The following NAXD variants were observed in gnomAD, a reference collection of about 807,000 sequenced individuals.
NAXD encodes the protein NAD(P)HX dehydratase, also known as ATP-dependent (S)-NAD(P)H-hydrate dehydratase.
NAXD carries 22 observed loss-of-function variants against 35.8 expected under a neutral mutation model. The observed-to-expected ratio is 0.62, with a 90% CI of 0.44 to 0.88. The LOEUF is 0.88. Ranked by LOEUF, NAXD falls within the 40% of genes least tolerant of loss-of-function variation. The pLI, the probability that NAXD is intolerant of heterozygous loss-of-function variation, is 0.00. For synonymous variants in NAXD, 189 were observed against 177.6 expected, an observed-to-expected ratio of 1.06 and a Z score of -0.51; for missense variants, 428 against 437.7, an observed-to-expected ratio of 0.98 and a Z score of 0.20.
intron 5 of NAXD, among the ~76,000 whole-genome samples, chr13:110,631,162 C>G (rs1886681941): frequency 6.6e-6 from 1 of 152,182 alleles, no homozygotes; most frequent in Non-Finnish European, 1.5e-5. Flanking sequence ...AGGCTCTTGA[C>G]CAATGCACCT....
At chr13:110,617,750 T>G (rs1322520074) in intron 1 of NAXD, among the ~76,000 whole-genome samples, 4 of 152,258 alleles carry the variant, frequency 2.6e-5, no homozygotes, top group Admixed American at 2.0e-4. Flanking sequence ...AAATAGTGTC[T>G]TGTGGCCTGG....
Position 110,615,623 on chromosome 13 carries a change from G to A in NAXD, c.22G>A (p.Gly8Arg). Residue 8 changes from glycine to arginine, a missense_variant, in exon 1 of 10, where the codon GGG (glycine) becomes AGG (arginine). Physicochemically the swap from Gly to Arg is moderately radical, Grantham distance 125. Transcript: ENST00000680254. MALGPRC[G>R]AIRACRRVLE... is the part of the protein sequence containing the mutation. ...CCCGATGGCCCTGGGTCCTCGCTGT[G>A]GGGCAATCCGGGCTTGCAGACGAGG... is the stretch of plus-strand genomic sequence containing the variant. The A allele has an allele frequency of 1.4e-6, 2 of 1,475,316 alleles. No homozygotes were observed. Among genetic ancestry groups the A allele is most frequent in the Non-Finnish European group, 8.9e-7 (1 of 1,118,242 alleles). 91.4% of individuals were successfully genotyped at this position (1,475,316 alleles called of 1,614,324 possible).
upstream of NAXD, chr13:110,615,520 G>C: frequency 2.3e-6 from 3 of 1,280,708 alleles, no homozygotes; most frequent in Non-Finnish European, 3.0e-6. Context: ...GCGCGGAGGC[G>C]GTCGGGAAAC....
At chr13:110,625,137 G>A (rs1468014631) in intron 3 of NAXD, 53 bp from the exon 4 acceptor site, 1 of 1,330,542 alleles carries the variant, frequency 7.5e-7, no homozygotes, top group African/African-American at 1.4e-5. Context: ...TCTGGCGGGT[G>A]GGCAGCGATG....
At chr13:110,624,957 GGT>G (rs1438201713) in intron 3 of NAXD, among the ~76,000 whole-genome samples, 3 of 152,248 alleles carry the variant, frequency 2.0e-5, no homozygotes, top group African/African-American at 7.2e-5. Context: ...GGGCCGTGCT[GGT>G]GTGTGTGGCT....
intron 5 of NAXD, among the ~76,000 whole-genome samples, chr13:110,631,570 C>G (rs1403570913): frequency 1.3e-5 from 2 of 152,198 alleles, no homozygotes; most frequent in Non-Finnish European, 2.9e-5. Context: ...TTTGAATATT[C>G]ACTTTTGAGT....
intron 5 of NAXD, among the ~76,000 whole-genome samples, chr13:110,630,358 A>G (rs1486724989): frequency 6.6e-6 from 1 of 151,970 alleles, no homozygotes; most frequent in African/African-American, 2.4e-5. Context: ...AGAAGTGTCT[A>G]TTCATACCCT....
intron 1 of NAXD, among the ~76,000 whole-genome samples, chr13:110,617,184 A>AT (rs1482320096): frequency 2.0e-5 from 3 of 152,226 alleles, no homozygotes; most frequent in Admixed American, 6.5e-5. Context: ...TTGTGGTTAA[A>AT]TGCTCTAAAT....
Position 110,634,772 on chromosome 13 carries a change from C to A in NAXD, c.593C>A (p.Ala198Asp). The A allele has an allele frequency of 6.2e-7, 1 of 1,612,410 alleles. No individual in the cohort carries two copies. Among genetic ancestry groups the A allele is most frequent in the Non-Finnish European group, 8.5e-7 (1 of 1,178,670 alleles). Residue 198 changes from alanine (A) to aspartate (D), a missense_variant, in exon 7 of 10, where the codon GCT (alanine) becomes GAT (aspartate). Ala to Asp is a moderately radical substitution (Grantham distance 126). Transcript: ENST00000680254. ...GTGGAGTTCAGCAGACTGTATGACG[C>A]TGTGGTGAGTCAGTGGACCCCCTGG... ...NHVEFSRLYD[A>D]VLRGPMDSDD...
intron 1 of NAXD, 162 bp downstream of exon 1, chr13:110,615,809 G>C (rs181210785): frequency 9.3e-6 from 12 of 1,296,960 alleles, no homozygotes; most frequent in Non-Finnish European, 1.2e-5. Context: ...CTGGCTCGCG[G>C]GGGGGAAGCG....
intron 1 of NAXD, among the ~76,000 whole-genome samples, chr13:110,617,545 C>G (rs1886105015): frequency 6.6e-6 from 1 of 152,202 alleles, no homozygotes; most frequent in South Asian, 2.1e-4. Flanking sequence ...TTTAGTTGAC[C>G]TGCTTTGGCC....
intron 1 of NAXD, among the ~76,000 whole-genome samples, chr13:110,617,206 C>T (rs997849868): frequency 6.6e-6 from 1 of 152,182 alleles, no homozygotes; most frequent in African/African-American, 2.4e-5. Context: ...AGTTATAACT[C>T]ACATTAACTT....
intron 8 of NAXD, among the ~76,000 whole-genome samples, chr13:110,636,523 T>C (rs1886933858): frequency 6.6e-6 from 1 of 152,256 alleles, no homozygotes; most frequent in Non-Finnish European, 1.5e-5. Context: ...AGAGCAGATG[T>C]TCTCAGAGGG....
rs1217258302 is a variant in NAXD at position 110,628,517 on chromosome 13, TGGAG to T, written c.441+973_441+976del. Among the ~76,000 whole-genome samples the T allele has an allele frequency of 3.3e-5, 5 of 152,152 alleles. No homozygotes were observed. Among genetic ancestry groups the T allele is most frequent in the African/African-American group, 1.2e-4 (5 of 41,438 alleles). On this transcript the variant is annotated intron_variant, in intron 5 of 9. Transcript: ENST00000680254. The surrounding 1 kb of genome is among the most constrained non-coding windows in gnomAD (Gnocchi z 4.1). ...GGCACTCTGTTGGGTGCTTAGTTAA[TGGAG>T]GGGTCTCTGAGGCTGCGGGGCTTGA...
intron 7 of NAXD, among the ~76,000 whole-genome samples, chr13:110,635,139 AGT>A (rs1886875529): frequency 6.6e-6 from 1 of 152,150 alleles, no homozygotes; most frequent in African/African-American, 2.4e-5. Flanking sequence ...CCACATGGTA[AGT>A]GTCCCATCAA....
intron 3 of NAXD, among the ~76,000 whole-genome samples, chr13:110,624,898 C>T (rs1886405100): frequency 6.6e-6 from 1 of 152,274 alleles, no homozygotes; most frequent in South Asian, 2.1e-4. Flanking sequence ...GTGCTAACGG[C>T]CGGCCTCTTC....
chr13:110,638,603 C>T lies in NAXD; in HGVS notation c.*75C>T, dbSNP rs753877985. 19 of 1,545,938 alleles carry T rather than the reference C, an allele frequency of 1.2e-5. No homozygotes were observed. The highest frequency in any genetic ancestry group is 1.7e-4 in the Middle Eastern group (1 of 5,974). Reference sequence around the variant, plus strand: ...TGTGTGATGGGAAAATCCGGACCCACGCGTGTGCTGAAGGCGTACGGTGCT... The same window carrying T: ...TGTGTGATGGGAAAATCCGGACCCATGCGTGTGCTGAAGGCGTACGGTGCT... On this transcript the variant is annotated 3_prime_UTR_variant, in exon 10 of 10. Coordinates refer to ENST00000680254, the MANE Select transcript of NAXD (RefSeq NM_001242882.2). The surrounding 1 kb of genome is among the most constrained non-coding windows in gnomAD (Gnocchi z 5.4).
rs1485816310 is a variant in NAXD, at chr13:110,634,653, G to C, written c.493-19G>C. On this transcript the variant is annotated intron_variant, in intron 6 of 9. Coordinates refer to ENST00000680254, the MANE Select transcript of NAXD (RefSeq NM_001242882.2). The stretch of plus-strand genomic sequence containing the variant: ...CCCGGAAGGCCTGTGCAGTGAGCAC[G>C]GCTCCTTGTTCTGTGCAGGATGGCC... The C allele has an allele frequency of 6.2e-7, 1 of 1,613,620 alleles. No homozygotes were observed. The highest frequency in any genetic ancestry group is 1.3e-5 in the African/African-American group (1 of 74,930).
intron 2 of NAXD, among the ~76,000 whole-genome samples, chr13:110,623,791 T>C (rs1019743631): frequency 6.6e-6 from 1 of 152,012 alleles, no homozygotes; most frequent in Non-Finnish European, 1.5e-5. Context: ...TCACCTGAGG[T>C]TGGGAGTTTG....
Sources: gnomAD v4.1 joint callset for allele counts (sites outside exome capture counted in the v4.1 genomes callset) on GRCh38, gnomAD v4.1.1 for gene constraint, Gnocchi (gnomAD v3.1) non-coding constraint, MANE v1.5 for transcripts, NCBI Gene and HGNC (gene_info 2026-07-23, HGNC 2026-07-21) for gene names.